Variants in FMN2 observed in about 807,000 individuals in gnomAD.
FMN2 encodes the protein formin 2.
In FMN2, 51 loss-of-function variants were observed where a neutral mutation model predicts 142.3. The observed-to-expected ratio is 0.36, with a 90% CI of 0.29 to 0.45. The LOEUF is 0.45. Among genes scored for constraint, FMN2 ranks in the 20% least tolerant of loss-of-function variants. FMN2 has a pLI of 1.00. For missense variants in FMN2, 1,936 were observed against 2,122.8 expected, an observed-to-expected ratio of 0.91 and a Z score of 1.73; for synonymous variants, 882 against 869.8, an observed-to-expected ratio of 1.01 and a Z score of -0.25.
chr1:240,120,790 A>AG lies in FMN2; in HGVS notation c.1616-2386dup, dbSNP rs768877024. 1.1e-4 allele frequency among the ~76,000 whole-genome samples: 16 copies of AG among 152,330 alleles called. 1 individual carries two copies. Among genetic ancestry groups the AG allele is most frequent in the Admixed American group, 6.5e-4 (10 of 15,298 alleles). ...AAGGAGGAGAAATTGTGGCCCTGGA[A>AG]GGGACCCTAGAGATTTTCCATTTCC... On this transcript the variant is annotated intron_variant, in intron 1 of 17. Transcript: ENST00000319653.
intron 4 of FMN2, among the ~76,000 whole-genome samples, chr1:240,199,538 A>G (rs932149350): frequency 2.6e-5 from 4 of 152,062 alleles, no homozygotes; most frequent in South Asian, 2.1e-4. Flanking sequence ...TTTGGTGAAC[A>G]TTTTATTTTT....
intron 16 of FMN2, among the ~76,000 whole-genome samples, chr1:240,446,333 G>A (rs11576138): frequency 0.75 from 113,769 of 152,084 alleles, 42,572 homozygotes; most frequent in Admixed American, 0.82. Context: ...CAAGAGCTAA[G>A]AACGTGGCTT....
intron 1 of FMN2, among the ~76,000 whole-genome samples, chr1:240,100,565 A>G (rs964644218): frequency 3.3e-5 from 5 of 152,220 alleles, no homozygotes; most frequent in African/African-American, 7.2e-5. Flanking sequence ...ATGAGTAACA[A>G]TTATTTCTGG....
intron 1 of FMN2, among the ~76,000 whole-genome samples, chr1:240,116,452 C>A (rs796276179): frequency 2.6e-4 from 39 of 152,100 alleles, no homozygotes; most frequent in Non-Finnish European, 1.2e-4. Context: ...GGTAGAGAAG[C>A]CATTAAAAGG....
chr1:240,274,334 C>A (rs1669120929), intron 7 of FMN2, among the ~76,000 whole-genome samples: 1 of 151,800 alleles, frequency 6.6e-6, no homozygotes, highest in African/African-American at 2.4e-5. Context: ...CAGAAGGAAC[C>A]TTGTAAATAT....
intron 8 of FMN2, among the ~76,000 whole-genome samples, chr1:240,328,222 G>T (rs1189241803): frequency 2.1e-5 from 3 of 143,792 alleles, no homozygotes; most frequent in African/African-American, 7.7e-5. Flanking sequence ...TTTGTTCCAT[G>T]ACTTAAATCA....
chr1:240,257,442 C>T (rs1211812053), intron 6 of FMN2, among the ~76,000 whole-genome samples: 17 of 152,142 alleles, frequency 1.1e-4, no homozygotes, highest in Non-Finnish European at 1.5e-5. Flanking sequence ...CAAGTGAAAG[C>T]ACTTTTTTAA....
At chr1:240,334,404 G>T (rs561474389) in intron 13 of FMN2, among the ~76,000 whole-genome samples, 175 bp downstream of exon 13, 1 of 152,238 alleles carries the variant, frequency 6.6e-6, no homozygotes, top group South Asian at 2.1e-4. Flanking sequence ...TGTTTAAAAA[G>T]TTATGTGTAT....
intron 15 of FMN2, among the ~76,000 whole-genome samples, chr1:240,420,831 C>T (rs187433013): frequency 1.9e-4 from 29 of 152,274 alleles, no homozygotes; most frequent in African/African-American, 6.5e-4. Context: ...TCCCGGTTCT[C>T]GCAGACTACT....
At chr1:240,198,254 G>A (rs531147399) in intron 4 of FMN2, among the ~76,000 whole-genome samples, 3 of 152,106 alleles carry the variant, frequency 2.0e-5, no homozygotes, top group African/African-American at 2.4e-5. Flanking sequence ...CAAAAAGGCT[G>A]GTTCTTTTTG....
At chr1:240,427,924 A>T (rs1043400400) in intron 15 of FMN2, among the ~76,000 whole-genome samples, 1 of 152,192 alleles carries the variant, frequency 6.6e-6, no homozygotes, top group Non-Finnish European at 1.5e-5. Flanking sequence ...AACTCCTTAT[A>T]ATTTGTAAAA....
intron 14 of FMN2, among the ~76,000 whole-genome samples, chr1:240,371,114 TA>T (rs747798912): frequency 6.6e-6 from 1 of 152,042 alleles, no homozygotes; most frequent in Non-Finnish European, 1.5e-5. Context: ...GATTTTTTTT[TA>T]TTTTTTGTTT....
intron 7 of FMN2, among the ~76,000 whole-genome samples, chr1:240,268,553 G>T (rs1226925144): frequency 6.6e-6 from 1 of 151,998 alleles, no homozygotes; most frequent in Non-Finnish European, 1.5e-5. Flanking sequence ...TGAAGGTAGT[G>T]GGGGAAGAAG....
chr1:240,316,391 T>C (rs1312965908), intron 8 of FMN2, among the ~76,000 whole-genome samples: 1 of 152,086 alleles, frequency 6.6e-6, no homozygotes, highest in Admixed American at 6.5e-5. Flanking sequence ...GATGTAAAAA[T>C]CTATAATGTG....
chr1:240,410,706 A>C (rs1387481499), intron 15 of FMN2, among the ~76,000 whole-genome samples: 1 of 152,202 alleles, frequency 6.6e-6, no homozygotes, highest in Non-Finnish European at 1.5e-5. Flanking sequence ...ACTTATTTCT[A>C]AGTGATAAAT....
chr1:240,148,454 AAGAG>A (rs59759995), intron 2 of FMN2, among the ~76,000 whole-genome samples: 69,042 of 150,674 alleles, frequency 0.46, 16,991 homozygotes, highest in South Asian at 0.65. Flanking sequence ...GAGAGAGAGA[AAGAG>A]AGAGAGACAG....
chr1:240,330,539 C>G, intron 10 of FMN2, 64 bp from the exon 11 acceptor site: 1 of 1,550,726 alleles, frequency 6.4e-7, no homozygotes, highest in Non-Finnish European at 8.7e-7. Flanking sequence ...GGCATCAACT[C>G]GATGATTCAA....
chr1:240,313,108 T>C (rs1176057425), intron 8 of FMN2, among the ~76,000 whole-genome samples: 1 of 152,232 alleles, frequency 6.6e-6, no homozygotes, highest in African/African-American at 2.4e-5. Context: ...AGATGACCAG[T>C]TACCACTTAC....
chr1:240,286,712 G>C (rs1669604307), intron 7 of FMN2, among the ~76,000 whole-genome samples: 1 of 134,462 alleles, frequency 7.4e-6, no homozygotes, highest in East Asian at 1.9e-4. Flanking sequence ...ATCTTAATCA[G>C]AGATGCTTCC....
Sources: gnomAD v4.1 joint callset for allele counts (sites outside exome capture counted in the v4.1 genomes callset) on GRCh38, gnomAD v4.1.1 for gene constraint, MANE v1.5 for transcripts, NCBI Gene and HGNC (gene_info 2026-07-23, HGNC 2026-07-21) for gene names.